Variants in ZNF45 observed in about 807,000 individuals in gnomAD.
ZNF45 encodes BRC1744.
Under a neutral mutation model 12.0 loss-of-function variants are expected in ZNF45, and 4 were observed. That is an observed-to-expected ratio of 0.33 (90% CI 0.16 to 0.76). ZNF45 has a LOEUF of 0.76. Among genes scored for constraint, ZNF45 ranks in the 30% least tolerant of loss-of-function variants. The probability of loss-of-function intolerance (pLI) is 0.60; values close to 1 mark genes in which losing one functional copy is unlikely to be tolerated. For missense variants in ZNF45, 700 were observed against 813.0 expected, an observed-to-expected ratio of 0.86 and a Z score of 1.69; for synonymous variants, 272 against 279.6, an observed-to-expected ratio of 0.97 and a Z score of 0.27.
At chr19:43,923,198 C>G (rs780030962) in intron 6 of ZNF45, among the ~76,000 whole-genome samples, 1 of 152,106 alleles carries the variant, frequency 6.6e-6, no homozygotes, top group Non-Finnish European at 1.5e-5. Context: ...ACCTGTTATT[C>G]TCTCTTGGTT....
At chr19:43,926,955 A>C (rs1318627421) in intron 3 of ZNF45, among the ~76,000 whole-genome samples, 1 of 152,214 alleles carries the variant, frequency 6.6e-6, no homozygotes, top group Non-Finnish European at 1.5e-5. Context: ...GGAGAGTAAA[A>C]AGATTCCTTT....
intron 3 of ZNF45, chr19:43,926,656 G>A (rs1392031441): frequency 1.3e-5 from 2 of 152,224 alleles, no homozygotes; most frequent in Admixed American, 6.5e-5. Context: ...CTAAATGCCA[G>A]AGTAGTGCAC....
intron 9 of ZNF45, among the ~76,000 whole-genome samples, chr19:43,918,315 T>C (rs1220508557): frequency 6.6e-6 from 1 of 152,202 alleles, no homozygotes; most frequent in Admixed American, 6.5e-5. Context: ...TCAATTTGAT[T>C]ACAACTAAAG....
chr19:43,918,479 TGAGA>T (rs1359708376), intron 9 of ZNF45, among the ~76,000 whole-genome samples: 1 of 152,134 alleles, frequency 6.6e-6, no homozygotes, highest in Non-Finnish European at 1.5e-5. Flanking sequence ...AAAAGAGGCC[TGAGA>T]GAGATTTCTT....
At chr19:43,918,363 G>A (rs1972858477) in intron 9 of ZNF45, among the ~76,000 whole-genome samples, 1 of 152,152 alleles carries the variant, frequency 6.6e-6, no homozygotes, top group Admixed American at 6.5e-5. Flanking sequence ...TGGTCTCAAT[G>A]TGTGTGCCCT....
At chr19:43,919,789 G>T in intron 7 of ZNF45, 90 bp from the exon 8 acceptor site, 1 of 1,429,958 alleles carries the variant, frequency 7.0e-7, no homozygotes, top group Non-Finnish European at 9.6e-7. Flanking sequence ...AGATGTGTAG[G>T]GAAAGGTGTC....
chr19:43,913,687 T>C lies in ZNF45; in HGVS notation c.1749A>G (p.Pro583=), dbSNP rs771588714. 5.6e-6 allele frequency: 9 copies of C among 1,613,144 alleles called. No homozygotes were observed. The highest frequency in any genetic ancestry group is 6.8e-6 in the Non-Finnish European group (8 of 1,179,774). The change falls in exon 10 of 10, where the codon CCA becomes CCG. Residue 583 remains proline, a synonymous_variant. Coordinates refer to ENST00000269973, the MANE Select transcript of ZNF45 (RefSeq NM_003425.4). ...GCTTACCACACACATCACATCGGTATGGTTTTTCTCCTGTGTGGACTCCAC... is the reference window on the plus strand; with the variant it reads ...GCTTACCACACACATCACATCGGTACGGTTTTTCTCCTGTGTGGACTCCAC... ...AHRGVHTGEK[P]YRCDVCGKRF...
At chr19:43,931,603 T>C (rs1008637342) in intron 3 of ZNF45, among the ~76,000 whole-genome samples, 2 of 152,192 alleles carry the variant, frequency 1.3e-5, no homozygotes, top group African/African-American at 4.8e-5. Flanking sequence ...TTTTTCAACT[T>C]ATCTGTAGAA....
At position 43,912,749 on chromosome 19, in the gene ZNF45, T is replaced by C. The variant is rs924438479; in HGVS notation, c.*638A>G. 1 of 152,236 alleles carries C rather than the reference T, an allele frequency of 6.6e-6. No individual in the cohort carries two copies. Among genetic ancestry groups the C allele is most frequent in the African/African-American group, 2.4e-5 (1 of 41,458 alleles). The allele number at this position is 152,236 out of a possible 1,614,324, so 9.4% of individuals were successfully genotyped here. Reference sequence around the variant, plus strand: ...CCATGAACTTGAGACTTGTGCATGTTACTGCATGCAGATTACACCTCAATA... The same window carrying C: ...CCATGAACTTGAGACTTGTGCATGTCACTGCATGCAGATTACACCTCAATA... On this transcript the variant is annotated 3_prime_UTR_variant, in exon 10 of 10. Coordinates refer to ENST00000269973, the MANE Select transcript of ZNF45 (RefSeq NM_003425.4).
chr19:43,919,812 G>A (rs1972982960), intron 7 of ZNF45, 113 bp from the exon 8 acceptor site: 3 of 1,202,170 alleles, frequency 2.5e-6, no homozygotes, highest in African/African-American at 3.2e-5. Flanking sequence ...ATTCTTAAGA[G>A]ACCATATTCA....
Position 43,913,304 on chromosome 19 carries a change from G to A in ZNF45, c.*83C>T. On this transcript the variant is annotated 3_prime_UTR_variant, in exon 10 of 10. Transcript: ENST00000269973. ...CTCCCAATCACTTGGCTGAACTACT[G>A]ACTCTATAAAACAAATGTTTTGTCT... 6.8e-7 allele frequency: 1 copy of A among 1,478,122 alleles called. No homozygotes were observed. Among genetic ancestry groups the A allele is most frequent in the Non-Finnish European group, 9.0e-7 (1 of 1,108,470 alleles). 91.6% of individuals were successfully genotyped at this position (1,478,122 alleles called of 1,614,324 possible).
At chr19:43,932,922 G>C (rs1426901724) in intron 2 of ZNF45, among the ~76,000 whole-genome samples, 2 of 152,050 alleles carry the variant, frequency 1.3e-5, no homozygotes, top group African/African-American at 4.8e-5. Flanking sequence ...CCTAACGCTC[G>C]GTATCTCAGA....
chr19:43,913,163 A>G lies in ZNF45; in HGVS notation c.*224T>C. The G allele has an allele frequency of 2.3e-6, 1 of 428,202 alleles. No individual in the cohort carries two copies. Among genetic ancestry groups the G allele is most frequent in the Non-Finnish European group, 4.1e-6 (1 of 243,248 alleles). The allele number at this position is 428,202 out of a possible 1,614,324, so 26.5% of individuals were successfully genotyped here. On this transcript the variant is annotated 3_prime_UTR_variant, in exon 10 of 10. Transcript: ENST00000269973. ...ATTTCTATCTTAGTACTTCTGATTT[A>G]CTCCAGATCAGACTCATCCTTCCTG...
In ZNF45 at chr19:43,915,026, TC is replaced by T. The variant is rs752351883; in HGVS notation, c.409del (p.Asp137IlefsTer34). The T allele has an allele frequency of 1.9e-6, 3 of 1,610,268 alleles. No individual in the cohort carries two copies. The highest frequency in any genetic ancestry group is 1.7e-6 in the Non-Finnish European group (2 of 1,178,502). ...RTGCQLEKRD[D>X]LHYKDEGFSN... Reference sequence around the variant, plus strand: ...GAATCCCTCATCTTTATAGTGCAAATCATCTCGTTTTTCCAACTGGCAGCCT... The same window carrying T: ...GAATCCCTCATCTTTATAGTGCAAATATCTCGTTTTTCCAACTGGCAGCCT... On this transcript the variant is annotated frameshift_variant, in exon 10 of 10. Transcript: ENST00000269973. LOFTEE classifies it low-confidence loss of function (END_TRUNC).
chr19:43,918,816 G>T, intron 9 of ZNF45, 54 bp downstream of exon 9: 1 of 1,518,518 alleles, frequency 6.6e-7, no homozygotes. Flanking sequence ...TGCCAACCTT[G>T]GAATATCTCC....
At chr19:43,930,516 T>G (rs1447550375) in intron 3 of ZNF45, among the ~76,000 whole-genome samples, 1 of 152,200 alleles carries the variant, frequency 6.6e-6, no homozygotes, top group Non-Finnish European at 1.5e-5. Context: ...ACACTGCCTC[T>G]TAAAGAGTTG....
In ZNF45 at chr19:43,913,205, G is replaced by C. The variant is rs1265802750; in HGVS notation, c.*182C>G. 1.4e-5 allele frequency: 8 copies of C among 557,446 alleles called. No homozygotes were observed. Among genetic ancestry groups the C allele is most frequent in the East Asian group, 2.9e-5 (1 of 34,356 alleles). 34.5% of individuals were successfully genotyped at this position (557,446 alleles called of 1,614,324 possible). A position where few individuals can be genotyped will look rare whatever the true frequency, so the allele number is the denominator to read the frequency against. On this transcript the variant is annotated 3_prime_UTR_variant, in exon 10 of 10. Transcript: ENST00000269973. Reference sequence around the variant, plus strand: ...TCCTTCCTGATCCTCTTGTCTGCATGTATCAGCTAATGGTCAATGTTCTGA... The same window carrying C: ...TCCTTCCTGATCCTCTTGTCTGCATCTATCAGCTAATGGTCAATGTTCTGA...
chr19:43,927,882 A>G (rs1486689266), intron 3 of ZNF45, among the ~76,000 whole-genome samples: 1 of 152,156 alleles, frequency 6.6e-6, no homozygotes, highest in African/African-American at 2.4e-5. Context: ...CGGCCATAAA[A>G]AAGATGTCCT....
intron 3 of ZNF45, chr19:43,926,640 A>G (rs1973699066): frequency 6.6e-6 from 1 of 152,222 alleles, no homozygotes. Flanking sequence ...ATTCCACTAT[A>G]CATGGCTAAA....
Sources: gnomAD v4.1 joint callset for allele counts (sites outside exome capture counted in the v4.1 genomes callset) on GRCh38, gnomAD v4.1.1 for gene constraint, MANE v1.5 for transcripts, NCBI Gene and HGNC (gene_info 2026-07-23, HGNC 2026-07-21) for gene names.